RIPOR3: variants seen among roughly 807,000 people sequenced by gnomAD.
RIPOR3 encodes family with sequence similarity 65 member C.
A neutral mutation model predicts 114.3 loss-of-function variants in RIPOR3; 95 were observed. The observed-to-expected ratio is 0.83, with a 90% CI of 0.70 to 0.99. The LOEUF (loss-of-function observed/expected upper bound fraction) is 0.99. Among genes scored for constraint, RIPOR3 ranks in the 50% least tolerant of loss-of-function variants. The pLI is 0.00. For synonymous variants in RIPOR3, 575 were observed against 543.8 expected (o/e 1.06, Z -0.80); for missense variants, 1,252 against 1,266.9 (o/e 0.99, Z 0.18).
chr20:50,680,382 CACTTTTT>C (rs750082887), intron 1 of RIPOR3, among the ~76,000 whole-genome samples: 3 of 152,188 alleles, frequency 2.0e-5, no homozygotes, highest in Non-Finnish European at 2.9e-5. Context: ...AAAGAAAAAT[CACTTTTT>C]TCCCCACTTT....
At chr20:50,646,841 T>C (rs1403364727) in intron 1 of RIPOR3, among the ~76,000 whole-genome samples, 1 of 152,248 alleles carries the variant, frequency 6.6e-6, no homozygotes, top group African/African-American at 2.4e-5. Context: ...ATTAATTTCT[T>C]ATTTGCCAAA....
chr20:50,599,066 A>C (rs930573458), intron 13 of RIPOR3, among the ~76,000 whole-genome samples: 2 of 152,126 alleles, frequency 1.3e-5, no homozygotes, highest in Non-Finnish European at 2.9e-5. Context: ...AGAACTTTGT[A>C]TGTGTCTTTT....
chr20:50,679,887 G>A (rs758874324), intron 1 of RIPOR3, among the ~76,000 whole-genome samples: 1 of 152,136 alleles, frequency 6.6e-6, no homozygotes, highest in Non-Finnish European at 1.5e-5. Flanking sequence ...AGCTCAGGAG[G>A]TTGAGGCTGC....
rs116905185 is a variant in RIPOR3 at position 50,604,766 on chromosome 20, T to C, written c.965A>G (p.Asp322Gly). Residue 322 changes from aspartate to glycine, a missense_variant, in exon 12 of 22, where the codon GAT becomes GGT. Physicochemically the swap from Asp to Gly is moderately conservative, Grantham distance 94 (BLOSUM62 -1). Coordinates refer to ENST00000327979, the MANE Select transcript of RIPOR3 (RefSeq NM_001290268.2). ...GGGTGACACCAGGAAGCTCTCAGTA[T>C]CAAACGGGCTGGAGGAGAGAACAGA... Reference protein sequence around the residue: ...LQLEVQWNPFDTESFLVSPSP... With the variant: ...LQLEVQWNPFGTESFLVSPSP... The C allele has an allele frequency of 7.4e-3, 11,895 of 1,607,858 alleles. 55 individuals are homozygous for C. Among genetic ancestry groups the C allele is most frequent in the Non-Finnish European group, 9.1e-3 (10,720 of 1,177,868 alleles).
At chr20:50,638,587 C>T (rs1380446189) in intron 1 of RIPOR3, among the ~76,000 whole-genome samples, 5 of 152,150 alleles carry the variant, frequency 3.3e-5, no homozygotes, top group Non-Finnish European at 5.9e-5. Context: ...GGGAAAGAAG[C>T]CTTTGAGGCC....
In RIPOR3 at chr20:50,602,078, C is replaced by G; in HGVS notation, c.1653G>C (p.Arg551=). 1 of 1,557,314 alleles carries G rather than the reference C, an allele frequency of 6.4e-7. No individual in the cohort carries two copies. The highest frequency in any genetic ancestry group is 8.7e-7 in the Non-Finnish European group (1 of 1,152,628). ...CGGGGCGGGGTGGCCATACCTTCAG[C>G]CGGTCCCGGAAGCCGAGGACCTGGT... The part of the protein sequence containing the change: ...LEYQVLGFRD[R]LKPCRARQEH... Residue 551 remains arginine (R), a synonymous_variant, in exon 13 of 22, where the codon CGG becomes CGC. Coordinates refer to ENST00000327979, the MANE Select transcript of RIPOR3 (RefSeq NM_001290268.2). This position sits in a 1 kb window ranked among gnomAD's most constrained non-coding sequence, Gnocchi z 4.3.
At position 50,620,047 on chromosome 20, in the gene RIPOR3, AGACC is replaced by A; in HGVS notation, c.204_207del (p.Cys70GlnfsTer8). On this transcript the variant is annotated frameshift_variant, in exon 3 of 22. Transcript: ENST00000327979. LOFTEE classifies it high-confidence loss of function. Reference sequence around the variant, plus strand: ...ACCTGCTGGGGCTTCGGGTCTGCACAGACCGACCCCTTCCGCAGCGTGCCGTACA... The same window carrying A: ...ACCTGCTGGGGCTTCGGGTCTGCACAGACCCCTTCCGCAGCGTGCCGTACA... The A allele has an allele frequency of 6.2e-7, 1 of 1,614,170 alleles. No individual in the cohort carries two copies. The highest frequency in any genetic ancestry group is 1.3e-5 in the African/African-American group (1 of 75,068).
chr20:50,625,089 GAGA>G (rs2084570223), intron 2 of RIPOR3, among the ~76,000 whole-genome samples: 1 of 144,622 alleles, frequency 6.9e-6, no homozygotes. Context: ...TTTTTTAATT[GAGA>G]CAAGGTCTTG....
At chr20:50,676,980 C>A (rs997740555) in intron 1 of RIPOR3, among the ~76,000 whole-genome samples, 1 of 152,156 alleles carries the variant, frequency 6.6e-6, no homozygotes, top group Non-Finnish European at 1.5e-5. Context: ...GTGCCAATGT[C>A]TGGAAGGATG....
At chr20:50,638,915 A>G (rs547054525) in intron 1 of RIPOR3, among the ~76,000 whole-genome samples, 7 of 152,250 alleles carry the variant, frequency 4.6e-5, no homozygotes, top group Admixed American at 1.3e-4. Context: ...GGTGGTGGCT[A>G]TTCCAGGCCA....
At chr20:50,608,353 C>T in intron 11 of RIPOR3, 36 bp downstream of exon 11, 1 of 1,611,800 alleles carries the variant, frequency 6.2e-7, no homozygotes, top group Non-Finnish European at 8.5e-7. Flanking sequence ...GGCAGCCAGC[C>T]AGGCCTCCGC....
At chr20:50,677,367 CTTTTTT>C (rs34725648) in intron 1 of RIPOR3, among the ~76,000 whole-genome samples, 141 of 96,796 alleles carry the variant, frequency 1.5e-3, no homozygotes, top group African/African-American at 5.2e-3. Context: ...TCTTGTTTTA[CTTTTTT>C]TTTTTTTTTT....
At chr20:50,668,364 TG>T (rs1375051574) in intron 1 of RIPOR3, among the ~76,000 whole-genome samples, 1 of 152,164 alleles carries the variant, frequency 6.6e-6, no homozygotes, top group Non-Finnish European at 1.5e-5. Context: ...CCCACCACTG[TG>T]GTCCCCTGGT....
chr20:50,598,579 T>A (rs774274596), intron 13 of RIPOR3, among the ~76,000 whole-genome samples: 1 of 152,134 alleles, frequency 6.6e-6, no homozygotes. Flanking sequence ...TACAAAAATA[T>A]AGGCATACAT....
intron 1 of RIPOR3, among the ~76,000 whole-genome samples, chr20:50,664,146 C>T (rs2086105081): frequency 1.3e-5 from 2 of 152,130 alleles, no homozygotes; most frequent in Non-Finnish European, 1.5e-5. Context: ...AGGCTGGTCT[C>T]GAACTCCTGG....
chr20:50,605,788 G>A (rs866035351), intron 11 of RIPOR3, among the ~76,000 whole-genome samples: 3,062 of 130,774 alleles, frequency 0.023, 81 homozygotes, highest in African/African-American at 0.071. Flanking sequence ...CAAAAAAAAA[G>A]AAAAAAAAAA....
intron 19 of RIPOR3, among the ~76,000 whole-genome samples, chr20:50,590,969 T>C (rs2083088055): frequency 6.6e-6 from 1 of 152,170 alleles, no homozygotes; most frequent in Non-Finnish European, 1.5e-5. Context: ...CTTCAGTGGA[T>C]CCTTGAAGCC....
At chr20:50,673,899 C>G (rs1306249677) in intron 1 of RIPOR3, among the ~76,000 whole-genome samples, 2 of 152,130 alleles carry the variant, frequency 1.3e-5, no homozygotes, top group African/African-American at 4.8e-5. Flanking sequence ...CCTTCATGAA[C>G]CATTTTTCCA....
chr20:50,673,448 T>C (rs1313002607), intron 1 of RIPOR3, among the ~76,000 whole-genome samples: 2 of 152,140 alleles, frequency 1.3e-5, no homozygotes, highest in Non-Finnish European at 2.9e-5. Context: ...CCAGCCTGGC[T>C]TTGTCCTTCA....
Sources: gnomAD v4.1 joint callset for allele counts (sites outside exome capture counted in the v4.1 genomes callset) on GRCh38, gnomAD v4.1.1 for gene constraint, Gnocchi (gnomAD v3.1) non-coding constraint, MANE v1.5 for transcripts, NCBI Gene and HGNC (gene_info 2026-07-23, HGNC 2026-07-21) for gene names.